Variants in DLGAP1 observed in about 807,000 individuals in gnomAD.
The protein encoded by DLGAP1 is DLG associated protein 1, also known as disks large-associated protein 1.
In DLGAP1, 11 loss-of-function variants were observed where a neutral mutation model predicts 90.8. That is an observed-to-expected ratio of 0.12 (90% confidence interval 0.08 to 0.20). The LOEUF (loss-of-function observed/expected upper bound fraction) is 0.20, where lower values mean the gene tolerates loss of function less well. Ranked by LOEUF, DLGAP1 falls within the 10% of genes least tolerant of loss-of-function variation. The probability of loss-of-function intolerance (pLI) is 1.00; values close to 1 mark genes in which losing one functional copy is unlikely to be tolerated. For missense variants in DLGAP1, 1,050 were observed against 1,333.8 expected (o/e 0.79, Z 3.31); for synonymous variants, 558 against 540.7 (o/e 1.03, Z -0.44).
chr18:3,508,124 C>T (rs1243784003), intron 11 of DLGAP1, among the ~76,000 whole-genome samples: 1 of 152,220 alleles, frequency 6.6e-6, no homozygotes, highest in Non-Finnish European at 1.5e-5. Context: ...ATGCCCTTGA[C>T]TTCTAGCTCT....
chr18:4,153,087 C>A (rs1318691275), intron 1 of DLGAP1, among the ~76,000 whole-genome samples: 1 of 152,016 alleles, frequency 6.6e-6, no homozygotes, highest in African/African-American at 2.4e-5. Context: ...AGAAGAAATT[C>A]ATTTTATTAT....
At chr18:3,637,693 G>A (rs1045015087) in intron 7 of DLGAP1, among the ~76,000 whole-genome samples, 1 of 151,588 alleles carries the variant, frequency 6.6e-6, no homozygotes, top group Non-Finnish European at 1.5e-5. Flanking sequence ...GCTTCAATGA[G>A]CCATGATTGT....
intron 4 of DLGAP1, among the ~76,000 whole-genome samples, chr18:3,865,848 C>G (rs2070350245): frequency 6.6e-6 from 1 of 152,168 alleles, no homozygotes; most frequent in Admixed American, 6.5e-5. Context: ...TCCATAGAAC[C>G]TTCTTAGTAA....
At chr18:3,721,463 A>G (rs190189465) in intron 7 of DLGAP1, 2 of 152,318 alleles carry the variant, frequency 1.3e-5, no homozygotes, top group East Asian at 3.9e-4. Context: ...TTAAACCCAG[A>G]GAGTATTTTC....
intron 1 of DLGAP1, among the ~76,000 whole-genome samples, chr18:4,308,621 GACTACCCCCAA>G: frequency 1.3e-5 from 2 of 152,128 alleles, no homozygotes; most frequent in African/African-American, 4.8e-5. Context: ...AAAACACAAG[GACTACCCCCAA>G]ACTTACCTGA....
chr18:4,167,744 G>A (rs1023620213), intron 1 of DLGAP1, among the ~76,000 whole-genome samples: 4 of 152,146 alleles, frequency 2.6e-5, no homozygotes, highest in African/African-American at 7.2e-5. Context: ...TGATTTCAGC[G>A]ATGTTGCTGG....
At position 3,880,082 on chromosome 18, in the gene DLGAP1, C is replaced by G. The variant is rs112355010; in HGVS notation, c.-14G>C. The G allele has an allele frequency of 4.4e-6, 7 of 1,596,320 alleles. No individual in the cohort carries two copies. Among genetic ancestry groups the G allele is most frequent in the Non-Finnish European group, 5.9e-6 (7 of 1,178,544 alleles). Reference sequence around the variant, plus strand: ...TAGCCCTTTCATGGCGGACCGGAAGCAGCCGCCAGGGTCATGGACACCCGG... The same window carrying G: ...TAGCCCTTTCATGGCGGACCGGAAGGAGCCGCCAGGGTCATGGACACCCGG... On this transcript the variant is annotated 5_prime_UTR_variant, in exon 4 of 13. Transcript: ENST00000315677.
intron 1 of DLGAP1, among the ~76,000 whole-genome samples, chr18:4,162,921 A>T (rs934866837): frequency 1.3e-4 from 13 of 97,882 alleles, no homozygotes; most frequent in Admixed American, 2.7e-4. Flanking sequence ...TTTTTTTTTA[A>T]AAAAAAACAT....
rs970941402 is a variant in DLGAP1 at position 4,204,813 on chromosome 18, T to C, written c.-266-53526A>G. Among the ~76,000 whole-genome samples the C allele has an allele frequency of 2.6e-5, 4 of 152,188 alleles. No individual in the cohort carries two copies. In the East Asian group the frequency reaches 7.7e-4, roughly 29 times the overall value. ...TCAAAGTCAATTCCTTTCCTTAAGT[T>C]CCCTCAAAAGACTTATATGCACGGA... On this transcript the variant is annotated intron_variant, in intron 1 of 12. Coordinates refer to ENST00000315677, the MANE Select transcript of DLGAP1 (RefSeq NM_004746.4).
chr18:4,310,692 T>C (rs1015920605), intron 1 of DLGAP1, among the ~76,000 whole-genome samples: 2 of 152,200 alleles, frequency 1.3e-5, no homozygotes, highest in African/African-American at 4.8e-5. Context: ...TTGTCTGGCA[T>C]ATAACGATGC....
intron 7 of DLGAP1, chr18:3,607,113 A>C (rs913107849): frequency 6.6e-6 from 1 of 152,260 alleles, no homozygotes; most frequent in Non-Finnish European, 1.5e-5. Flanking sequence ...GATTAGAGGC[A>C]TGAGCCATCG....
intron 9 of DLGAP1, among the ~76,000 whole-genome samples, chr18:3,550,510 A>T (rs1010905747): frequency 6.6e-6 from 1 of 152,074 alleles, no homozygotes; most frequent in African/African-American, 2.4e-5. Flanking sequence ...ACAGGTGTGA[A>T]CCACTGCACC....
chr18:3,953,510 G>A (rs1486389174), intron 3 of DLGAP1, among the ~76,000 whole-genome samples: 1 of 152,134 alleles, frequency 6.6e-6, no homozygotes, highest in Non-Finnish European at 1.5e-5. Flanking sequence ...TAAAAGACAT[G>A]ATTTCATTCT....
chr18:3,941,192 G>A (rs569416901), intron 3 of DLGAP1, among the ~76,000 whole-genome samples: 14 of 152,274 alleles, frequency 9.2e-5, no homozygotes, highest in South Asian at 6.2e-4. Flanking sequence ...AAATAGAACC[G>A]GTAACTGGAG....
chr18:4,415,861 G>T (rs894927123), intron 1 of DLGAP1, among the ~76,000 whole-genome samples: 5 of 152,156 alleles, frequency 3.3e-5, no homozygotes, highest in Non-Finnish European at 7.4e-5. Context: ...TAAAGACAGG[G>T]TGTTTATATC....
chr18:3,576,037 T>C (rs17803096), intron 8 of DLGAP1, among the ~76,000 whole-genome samples: 2 of 152,276 alleles, frequency 1.3e-5, no homozygotes, highest in African/African-American at 4.8e-5. Context: ...TTTTGGTGAT[T>C]TGCTTACTGT....
Position 4,454,644 on chromosome 18 carries a change from T to C in DLGAP1, c.-267+362A>G, listed in dbSNP as rs897993702. On this transcript the variant is annotated intron_variant, in intron 1 of 12. Coordinates refer to ENST00000315677, the MANE Select transcript of DLGAP1 (RefSeq NM_004746.4). The surrounding 1 kb of genome is among the most constrained non-coding windows in gnomAD (Gnocchi z 4.7). ...GGGGTGGGGGTGCGAATTTGACCGG[T>C]GGACATGACCGGGACAGGGGACCGG... 6.6e-6 allele frequency among the ~76,000 whole-genome samples: 1 copy of C among 151,568 alleles called. No homozygotes were observed. Among genetic ancestry groups the C allele is most frequent in the Non-Finnish European group, 1.5e-5 (1 of 67,884 alleles).
chr18:4,295,770 A>T (rs1341447238), intron 1 of DLGAP1, among the ~76,000 whole-genome samples: 1 of 152,154 alleles, frequency 6.6e-6, no homozygotes, highest in Non-Finnish European at 1.5e-5. Context: ...AAATAAAAGT[A>T]AGTAAAGTGC....
chr18:3,840,742 C>A (rs2068668323), intron 4 of DLGAP1, among the ~76,000 whole-genome samples: 1 of 152,034 alleles, frequency 6.6e-6, no homozygotes, highest in African/African-American at 2.4e-5. Flanking sequence ...TGATAGGCAC[C>A]ATCATTATCT....
Sources: gnomAD v4.1 joint callset for allele counts (sites outside exome capture counted in the v4.1 genomes callset) on GRCh38, gnomAD v4.1.1 for gene constraint, Gnocchi (gnomAD v3.1) non-coding constraint, MANE v1.5 for transcripts, NCBI Gene and HGNC (gene_info 2026-07-23, HGNC 2026-07-21) for gene names.